Variants in ZFAND3 observed in about 807,000 individuals in gnomAD.
The protein encoded by ZFAND3 is zinc finger AN1-type containing 3.
ZFAND3 carries 10 observed loss-of-function variants against 29.6 expected under a neutral mutation model. The observed-to-expected ratio is 0.34, with a 90% confidence interval of 0.21 to 0.57. The LOEUF is 0.57. ZFAND3 is among the 20% of genes least tolerant of loss of function. ZFAND3 has a pLI of 0.86. For missense variants in ZFAND3, 230 were observed against 304.5 expected (o/e 0.76, Z 1.82); for synonymous variants, 128 against 112.6 (o/e 1.14, Z -0.87).
At chr6:37,878,526 C>T (rs765731474) in intron 1 of ZFAND3, among the ~76,000 whole-genome samples, 3 of 152,134 alleles carry the variant, frequency 2.0e-5, no homozygotes, top group Admixed American at 6.5e-5. Context: ...AGATCCCTCC[C>T]GCTTGGCATA....
intron 2 of ZFAND3, among the ~76,000 whole-genome samples, chr6:38,045,105 G>T (rs564781670): frequency 2.3e-4 from 19 of 84,166 alleles, no homozygotes; most frequent in African/African-American, 3.9e-4. Flanking sequence ...TTTATTTATT[G>T]AGATGGAATC....
chr6:37,859,522 A>G (rs989171110), intron 1 of ZFAND3, among the ~76,000 whole-genome samples: 1 of 152,190 alleles, frequency 6.6e-6, no homozygotes, highest in Non-Finnish European at 1.5e-5. Context: ...CATAATTTCT[A>G]CCTACCAATT....
At chr6:37,969,812 A>G (rs562412836) in intron 2 of ZFAND3, among the ~76,000 whole-genome samples, 12 of 152,032 alleles carry the variant, frequency 7.9e-5, no homozygotes, top group Non-Finnish European at 1.6e-4. Context: ...GGAGATACTT[A>G]CTCCCTAAAA....
At chr6:38,111,647 AT>A (rs926855983) in intron 4 of ZFAND3, among the ~76,000 whole-genome samples, 6 of 151,500 alleles carry the variant, frequency 4.0e-5, no homozygotes, top group East Asian at 1.9e-4. Context: ...GGTTTTCTTA[AT>A]TTTTTTTTCC....
chr6:38,016,873 T>G (rs1763260975), intron 2 of ZFAND3, among the ~76,000 whole-genome samples: 1 of 152,182 alleles, frequency 6.6e-6, no homozygotes, highest in South Asian at 2.1e-4. Context: ...ATTAAATATA[T>G]TCATAAGCCA....
intron 2 of ZFAND3, among the ~76,000 whole-genome samples, chr6:37,991,505 A>C (rs1379685099): frequency 6.6e-6 from 1 of 151,952 alleles, no homozygotes; most frequent in African/African-American, 2.4e-5. Flanking sequence ...GGCGCCTGCC[A>C]CTACACCTGG....
At chr6:37,853,651 T>C (rs902117567) in intron 1 of ZFAND3, among the ~76,000 whole-genome samples, 2 of 152,174 alleles carry the variant, frequency 1.3e-5, no homozygotes, top group Non-Finnish European at 2.9e-5. Context: ...AGGGAACTGC[T>C]GATATATAAA....
intron 2 of ZFAND3, among the ~76,000 whole-genome samples, chr6:37,937,653 CAAAAA>C (rs71542151): frequency 1.2e-5 from 1 of 85,488 alleles, no homozygotes; most frequent in East Asian, 4.0e-4. Context: ...GACTCCGTCT[CAAAAA>C]AAAAAAAAAA....
intron 1 of ZFAND3, among the ~76,000 whole-genome samples, chr6:37,872,430 GT>G (rs377764272): frequency 2.5e-4 from 38 of 152,244 alleles, no homozygotes; most frequent in Admixed American, 8.5e-4. Context: ...AGTGGAACTT[GT>G]TTTTTGTTAA....
At chr6:37,886,596 G>T (rs1234949801) in intron 1 of ZFAND3, among the ~76,000 whole-genome samples, 1 of 152,216 alleles carries the variant, frequency 6.6e-6, no homozygotes, top group Non-Finnish European at 1.5e-5. Context: ...CTTCAGCACT[G>T]TTGCTCAGTA....
chr6:38,116,656 C>A lies in ZFAND3; in HGVS notation c.446C>A (p.Ser149Tyr). Residue 149 changes from serine (S) to tyrosine (Y), a missense_variant, in exon 5 of 6, where the codon TCT (serine) becomes TAT (tyrosine). Transcript: ENST00000287218. ...NTERSEETSRSKQKSRRRCFQ... is the reference protein window; with the variant it reads ...NTERSEETSRYKQKSRRRCFQ... The stretch of plus-strand genomic sequence containing the variant: ...GAACGGTCCGAGGAAACCAGTCGAT[C>A]TAAACAGAAGAGTCGACGTCGGTGC... The A allele has an allele frequency of 1.2e-6, 2 of 1,614,208 alleles. No homozygotes were observed. The highest frequency in any genetic ancestry group is 1.7e-6 in the Non-Finnish European group (2 of 1,180,026).
intron 4 of ZFAND3, among the ~76,000 whole-genome samples, chr6:38,086,366 TC>T (rs1427179576): frequency 6.6e-6 from 1 of 151,784 alleles, no homozygotes; most frequent in Admixed American, 6.6e-5. Flanking sequence ...ACCCCTACCA[TC>T]TTTGTAGAGT....
chr6:37,905,135 A>G (rs1359222727), intron 1 of ZFAND3, among the ~76,000 whole-genome samples: 1 of 152,190 alleles, frequency 6.6e-6, no homozygotes, highest in Admixed American at 6.5e-5. Flanking sequence ...TAACTAGATT[A>G]TAAATCCTAT....
intron 3 of ZFAND3, among the ~76,000 whole-genome samples, chr6:38,073,246 T>C (rs1270011482): frequency 6.6e-6 from 1 of 152,012 alleles, no homozygotes; most frequent in African/African-American, 2.4e-5. Context: ...ACCAGTCATT[T>C]CCCTTTCTAA....
intron 3 of ZFAND3, among the ~76,000 whole-genome samples, chr6:38,072,348 T>C (rs1763550046): frequency 6.6e-6 from 1 of 152,186 alleles, no homozygotes; most frequent in African/African-American, 2.4e-5. Flanking sequence ...AAGGTTAGTT[T>C]CCCAAAAGAT....
intron 2 of ZFAND3, among the ~76,000 whole-genome samples, chr6:38,009,291 C>T (rs539317029): frequency 4.1e-4 from 63 of 152,246 alleles, no homozygotes; most frequent in African/African-American, 1.3e-3. Flanking sequence ...TACTAGGTTT[C>T]GGTAGCATCT....
intron 2 of ZFAND3, among the ~76,000 whole-genome samples, chr6:37,991,443 C>G (rs1209311811): frequency 6.6e-6 from 1 of 151,970 alleles, no homozygotes; most frequent in East Asian, 1.9e-4. Flanking sequence ...ACTTTTGCCC[C>G]CCAGGTTCAA....
chr6:38,103,804 T>G (rs1217356837), intron 4 of ZFAND3, among the ~76,000 whole-genome samples: 1 of 152,202 alleles, frequency 6.6e-6, no homozygotes, highest in African/African-American at 2.4e-5. Context: ...GTTTTTCAGT[T>G]TTGCTTTTCT....
In ZFAND3 at chr6:38,000,153, A is replaced by G. The variant is rs981584544; in HGVS notation, c.113-61440A>G. ...AAATAAAAGCAAATTCAGATACCAA[A>G]CAAACCAAAAAACTTACTGTGATGA... On this transcript the variant is annotated intron_variant, in intron 2 of 5. Coordinates refer to ENST00000287218, the MANE Select transcript of ZFAND3 (RefSeq NM_021943.3). 3.3e-5 allele frequency among the ~76,000 whole-genome samples: 5 copies of G among 152,318 alleles called. No individual in the cohort carries two copies. In the Middle Eastern group the frequency reaches 0.01, roughly 311 times the overall value.
Sources: gnomAD v4.1 joint callset for allele counts (sites outside exome capture counted in the v4.1 genomes callset) on GRCh38, gnomAD v4.1.1 for gene constraint, MANE v1.5 for transcripts, NCBI Gene and HGNC (gene_info 2026-07-23, HGNC 2026-07-21) for gene names.